Variants in ANG observed in about 807,000 individuals in gnomAD.
ANG encodes the protein angiogenin.
For synonymous variants in ANG, 74 were observed against 73.8 expected (o/e 1.00, Z -0.02); for missense variants, 178 against 187.4 (o/e 0.95, Z 0.29).
At chr14:20,690,794 G>T (rs559370219) in intron 1 of ANG, among the ~76,000 whole-genome samples, 1 of 152,220 alleles carries the variant, frequency 6.6e-6, no homozygotes, top group Non-Finnish European at 1.5e-5. Flanking sequence ...AAATATTAAG[G>T]GTTATAATAA....
chr14:20,693,495 A>G, intron 1 of ANG, 52 bp from the exon 2 acceptor site: 1 of 1,601,836 alleles, frequency 6.2e-7, no homozygotes, highest in Non-Finnish European at 8.5e-7. Flanking sequence ...CTTTTGGCCT[A>G]ATTTGGTGAT....
chr14:20,692,673 A>G (rs1886829882), intron 1 of ANG, among the ~76,000 whole-genome samples: 1 of 152,178 alleles, frequency 6.6e-6, no homozygotes, highest in Non-Finnish European at 1.5e-5. Flanking sequence ...CAATCCATAG[A>G]AATACTGTCT....
intron 1 of ANG, among the ~76,000 whole-genome samples, chr14:20,690,609 T>C (rs1250065729): frequency 1.3e-5 from 2 of 152,208 alleles, no homozygotes; most frequent in East Asian, 1.9e-4. Flanking sequence ...ACTAAACTTA[T>C]ACAAAATTTG....
chr14:20,685,567 T>C (rs1886384188), upstream of ANG, among the ~76,000 whole-genome samples: 1 of 152,220 alleles, frequency 6.6e-6, no homozygotes. Flanking sequence ...TAACAAGTTT[T>C]GCAAGAGGAT....
chr14:20,691,401 C>T (rs555686536), intron 1 of ANG, among the ~76,000 whole-genome samples: 4 of 152,228 alleles, frequency 2.6e-5, no homozygotes, highest in Admixed American at 1.3e-4. Context: ...ATAAGATCTT[C>T]CAAAAAACTA....
chr14:20,693,835 G>GA lies in ANG; in HGVS notation c.275dup (p.Asn92LysfsTer41). On this transcript the variant is annotated frameshift_variant, in exon 2 of 2. Transcript: ENST00000397990. LOFTEE classifies it low-confidence loss of function (END_TRUNC). The stretch of plus-strand genomic sequence containing the variant: ...AAACAAGAATGGAAACCCTCACAGA[G>GA]AAAACCTAAGAATAAGCAAGTCTTC... 6.2e-7 allele frequency: 1 copy of GA among 1,614,218 alleles called. No individual in the cohort carries two copies. The highest frequency in any genetic ancestry group is 8.5e-7 in the Non-Finnish European group (1 of 1,180,046).
intron 1 of ANG, among the ~76,000 whole-genome samples, chr14:20,689,682 C>A (rs1473509938): frequency 6.6e-6 from 1 of 152,104 alleles, no homozygotes; most frequent in East Asian, 1.9e-4. Flanking sequence ...TTTGGGAAGC[C>A]GAGGTAGCCG....
upstream of ANG, among the ~76,000 whole-genome samples, chr14:20,687,017 A>G (rs945113524): frequency 3.9e-5 from 6 of 152,210 alleles, no homozygotes; most frequent in Admixed American, 3.9e-4. Flanking sequence ...TCTCCAGGAA[A>G]GGGGAATGAC....
chr14:20,685,996 C>T (rs188978443), upstream of ANG, among the ~76,000 whole-genome samples: 130 of 149,308 alleles, frequency 8.7e-4, no homozygotes, highest in African/African-American at 3.1e-3. Context: ...ACAGAGATTG[C>T]GTCACTGCAC....
At position 20,694,109 on chromosome 14, in the gene ANG, A is replaced by G. The variant is rs1886982669; in HGVS notation, c.*101A>G. 9.1e-6 allele frequency: 12 copies of G among 1,315,136 alleles called. No homozygotes were observed. Among genetic ancestry groups the G allele is most frequent in the Non-Finnish European group, 1.3e-5 (12 of 908,670 alleles). 81.5% of individuals were successfully genotyped at this position (1,315,136 alleles called of 1,614,324 possible). On this transcript the variant is annotated 3_prime_UTR_variant, in exon 2 of 2. Coordinates refer to ENST00000397990, the MANE Select transcript of ANG (RefSeq NM_001097577.3). ...GCAACATTCATTGCCAAGGGCCCAA[A>G]GAAAGAGCTACCTGGACCTTTTGTT...
chr14:20,689,692 G>A (rs1460058789), intron 1 of ANG, among the ~76,000 whole-genome samples: 1 of 152,114 alleles, frequency 6.6e-6, no homozygotes, highest in Non-Finnish European at 1.5e-5. Context: ...CGAGGTAGCC[G>A]GATCAACTGA....
upstream of ANG, chr14:20,688,757 A>G (rs1594203600): frequency 1.0e-6 from 1 of 985,120 alleles, no homozygotes; most frequent in Non-Finnish European, 1.2e-6. Context: ...CTATATAATC[A>G]GAACCTGGAG....
At chr14:20,692,818 T>C (rs1263020246) in intron 1 of ANG, among the ~76,000 whole-genome samples, 1 of 152,210 alleles carries the variant, frequency 6.6e-6, no homozygotes, top group Non-Finnish European at 1.5e-5. Context: ...GGATGCCTCA[T>C]TTCCTATTAG....
At chr14:20,689,386 T>C (rs533026567) in intron 1 of ANG, among the ~76,000 whole-genome samples, 1 of 152,320 alleles carries the variant, frequency 6.6e-6, no homozygotes, top group Admixed American at 6.5e-5. Flanking sequence ...GGGATGAATA[T>C]GCCTTGGGTG....
intron 1 of ANG, among the ~76,000 whole-genome samples, chr14:20,691,286 G>T (rs1456730688): frequency 6.6e-6 from 1 of 152,198 alleles, no homozygotes; most frequent in East Asian, 1.9e-4. Context: ...TCTGGCACCA[G>T]GCAGAAGAAT....
In ANG at chr14:20,693,550, C is replaced by A; in HGVS notation, c.-15C>A. The A allele has an allele frequency of 6.2e-7, 1 of 1,611,322 alleles. No homozygotes were observed. The highest frequency in any genetic ancestry group is 8.5e-7 in the Non-Finnish European group (1 of 1,180,012). On this transcript the variant is annotated 5_prime_UTR_variant, in exon 2 of 2. Coordinates refer to ENST00000397990, the MANE Select transcript of ANG (RefSeq NM_001097577.3). ...CACCTCCTTTTGCCCTCCGCAGGAGCCTGTGTTGGAAGAGATGGTGATGGG... is the reference window on the plus strand; with the variant it reads ...CACCTCCTTTTGCCCTCCGCAGGAGACTGTGTTGGAAGAGATGGTGATGGG...
intron 1 of ANG, among the ~76,000 whole-genome samples, chr14:20,691,164 C>T (rs750458904): frequency 2.0e-5 from 3 of 152,194 alleles, no homozygotes; most frequent in Non-Finnish European, 4.4e-5. Context: ...CCTGCAAGTA[C>T]GGTATTTCCT....
chr14:20,692,512 CA>C (rs1886814875), intron 1 of ANG, among the ~76,000 whole-genome samples: 2 of 152,392 alleles, frequency 1.3e-5, no homozygotes, highest in African/African-American at 4.8e-5. Flanking sequence ...CCTGCCAGAT[CA>C]GCAGGCAGCA....
upstream of ANG, among the ~76,000 whole-genome samples, chr14:20,686,323 T>G (rs933492515): frequency 6.6e-6 from 1 of 152,108 alleles, no homozygotes; most frequent in Non-Finnish European, 1.5e-5. Context: ...GAGGAATGGC[T>G]TTAGCTATTG....
Sources: gnomAD v4.1 joint callset for allele counts (sites outside exome capture counted in the v4.1 genomes callset) on GRCh38, gnomAD v4.1.1 for gene constraint, MANE v1.5 for transcripts, NCBI Gene and HGNC (gene_info 2026-07-23, HGNC 2026-07-21) for gene names.